The following GREB1L variants were observed in gnomAD, a reference collection of about 807,000 sequenced individuals.
GREB1L encodes GREB1-like protein.
In GREB1L, 17 loss-of-function variants were observed where a neutral mutation model predicts 200.8. The ratio of observed to expected loss-of-function variants is 0.08; its 90% CI spans 0.06 to 0.13. The LOEUF (loss-of-function observed/expected upper bound fraction) is 0.13. Among genes scored for constraint, GREB1L ranks in the 10% least tolerant of loss-of-function variants. The probability of loss-of-function intolerance (pLI) is 1.00; values close to 1 mark genes in which losing one functional copy is unlikely to be tolerated. For missense variants in GREB1L, 1,657 were observed against 2,367.7 expected (o/e 0.70, Z 6.23); for synonymous variants, 789 against 893.0 (o/e 0.88, Z 2.08).
intron 2 of GREB1L, among the ~76,000 whole-genome samples, chr18:21,373,774 G>A (rs2039969308): frequency 6.6e-6 from 1 of 152,230 alleles, no homozygotes; most frequent in Admixed American, 6.5e-5. Context: ...TACAGAAAGA[G>A]TAGAATAAAT....
intron 16 of GREB1L, among the ~76,000 whole-genome samples, chr18:21,473,568 C>CAAA: frequency 2.1e-5 from 1 of 46,654 alleles, no homozygotes; most frequent in Non-Finnish European, 4.2e-5. Flanking sequence ...GACTTTGTCT[C>CAAA]AAAAAAAAAA....
chr18:21,455,688 A>G (rs912008539), intron 15 of GREB1L, among the ~76,000 whole-genome samples: 4 of 151,774 alleles, frequency 2.6e-5, no homozygotes, highest in Admixed American at 6.6e-5. Context: ...AAAAAAAAAA[A>G]CAAAAAAACA....
At chr18:21,479,478 A>C (rs1245958667) in intron 17 of GREB1L, among the ~76,000 whole-genome samples, 41 of 152,074 alleles carry the variant, frequency 2.7e-4, no homozygotes, top group Admixed American at 2.7e-3. Context: ...CAGGAGTTCA[A>C]GACCAGCCTG....
Position 21,312,586 on chromosome 18 carries a change from G to A in GREB1L, c.-119-53441G>A, listed in dbSNP as rs182310703. On this transcript the variant is annotated intron_variant, in intron 1 of 32. Transcript: ENST00000424526. ...TATTTATTTTTTGAGACAAAGTCTC[G>A]CCCTGTCGCCAGGCTGGAGTGCAGT... Among the ~76,000 whole-genome samples, 6 of 150,284 alleles carry A rather than the reference G, an allele frequency of 4.0e-5. 1 individual carries two copies. In the South Asian group the frequency reaches 6.3e-4, roughly 16 times the overall value.
intron 17 of GREB1L, among the ~76,000 whole-genome samples, chr18:21,482,481 A>T (rs1329259446): frequency 6.6e-6 from 1 of 151,652 alleles, no homozygotes; most frequent in African/African-American, 2.4e-5. Flanking sequence ...TTGGTCTTGA[A>T]CTCCTGACCT....
intron 1 of GREB1L, among the ~76,000 whole-genome samples, chr18:21,274,388 A>G (rs143697478): frequency 2.2e-4 from 33 of 152,218 alleles, no homozygotes; most frequent in African/African-American, 7.5e-4. Flanking sequence ...ATATATATAT[A>G]TACACACACA....
chr18:21,445,466 C>A (rs1387779710), intron 11 of GREB1L, among the ~76,000 whole-genome samples: 1 of 151,444 alleles, frequency 6.6e-6, no homozygotes, highest in Non-Finnish European at 1.5e-5. Flanking sequence ...AAGAGTGAAA[C>A]TCCATCTCAA....
chr18:21,429,800 C>G (rs2032997358), intron 7 of GREB1L, among the ~76,000 whole-genome samples: 1 of 152,162 alleles, frequency 6.6e-6, no homozygotes, highest in African/African-American at 2.4e-5. Flanking sequence ...AATTTCAAAT[C>G]TAATTACCTA....
chr18:21,506,874 T>C (rs571130062), intron 25 of GREB1L, among the ~76,000 whole-genome samples: 54 of 152,358 alleles, frequency 3.5e-4, no homozygotes, highest in African/African-American at 1.3e-3. Context: ...CAACAAATGA[T>C]AGTAATATCC....
At chr18:21,299,618 G>C (rs974081755) in intron 1 of GREB1L, among the ~76,000 whole-genome samples, 1 of 151,228 alleles carries the variant, frequency 6.6e-6, no homozygotes, top group Non-Finnish European at 1.5e-5. Context: ...GTCATCAAGA[G>C]TGTCACTAGC....
Position 21,444,395 on chromosome 18 carries a change from A to G in GREB1L, c.1379A>G (p.Tyr460Cys). 2 of 1,552,022 alleles carry G rather than the reference A, an allele frequency of 1.3e-6. No homozygotes were observed. The highest frequency in any genetic ancestry group is 1.7e-6 in the Non-Finnish European group (2 of 1,146,922). The change falls in exon 11 of 33, where the codon TAT becomes TGT. Residue 460 changes from tyrosine to cysteine, a missense_variant. By Grantham distance (194) the Tyr-to-Cys change is radical. Around this residue, in one of 9 missense-constraint regions of GREB1L, gnomAD observed 289 missense variants for 345.1 expected, o/e 0.84. Transcript: ENST00000424526. ...AACATGATTCTTCTGACGATACAGT[A>G]TCTTGTGCGGCTGGGTAAGTCATTT... ...VENMILLTIQ[Y>C]LVRLGPDQVP...
chr18:21,430,490 T>C (rs2145073019), intron 7 of GREB1L, among the ~76,000 whole-genome samples: 1 of 151,190 alleles, frequency 6.6e-6, no homozygotes, highest in East Asian at 1.9e-4. Context: ...CTTTATTCCT[T>C]TCTTCTTCTT....
intron 1 of GREB1L, among the ~76,000 whole-genome samples, chr18:21,328,097 T>C (rs971339365): frequency 1.3e-5 from 2 of 152,164 alleles, no homozygotes; most frequent in Non-Finnish European, 2.9e-5. Context: ...TGCCTGTTTC[T>C]TTATGAAGAA....
intron 1 of GREB1L, among the ~76,000 whole-genome samples, chr18:21,246,378 A>T (rs2037602477): frequency 6.6e-6 from 1 of 152,234 alleles, no homozygotes; most frequent in Admixed American, 6.5e-5. Context: ...AAAGGACTAT[A>T]TAAATTTATA....
At position 21,434,527 on chromosome 18, in the gene GREB1L, G is replaced by GTGTATATA. The variant is rs1555646739; in HGVS notation, c.833-4991_833-4990insATATATGT. Among the ~76,000 whole-genome samples the GTGTATATA allele has an allele frequency of 2.7e-3, 372 of 138,662 alleles. 3 individuals carry two copies. The highest frequency in any genetic ancestry group is 0.01 in the African/African-American group (353 of 34,142). 91.0% of individuals were successfully genotyped at this position (138,662 alleles called of 152,430 possible). On this transcript the variant is annotated intron_variant, in intron 7 of 32. Transcript: ENST00000424526. ...TGTGTGTGTGTGTGTGTGTGTGTGT[G>GTGTATATA]TGTGTATATATATGTGTATATATAT...
intron 15 of GREB1L, among the ~76,000 whole-genome samples, chr18:21,456,633 T>TCCAA (rs2034777019): frequency 2.0e-5 from 3 of 152,216 alleles, no homozygotes; most frequent in Non-Finnish European, 1.5e-5. Context: ...AGTGTCTGGT[T>TCCAA]GACAGTGCAG....
chr18:21,432,048 G>A (rs1382570535), intron 7 of GREB1L, among the ~76,000 whole-genome samples: 3 of 149,502 alleles, frequency 2.0e-5, no homozygotes, highest in African/African-American at 4.9e-5. Context: ...TCAGCATCCC[G>A]AGTAGCTGGG....
intron 1 of GREB1L, among the ~76,000 whole-genome samples, chr18:21,275,817 A>G (rs1264617967): frequency 6.6e-6 from 1 of 152,228 alleles, no homozygotes; most frequent in African/African-American, 2.4e-5. Flanking sequence ...TTATTGAAAC[A>G]TGGCCATGCT....
At chr18:21,465,266 T>C (rs1478559742) in intron 15 of GREB1L, among the ~76,000 whole-genome samples, 1 of 152,148 alleles carries the variant, frequency 6.6e-6, no homozygotes, top group Non-Finnish European at 1.5e-5. Flanking sequence ...CCAAAACCCA[T>C]GCTTAATTCT....
Sources: gnomAD v4.1 joint callset for allele counts (sites outside exome capture counted in the v4.1 genomes callset) on GRCh38, gnomAD v4.1.1 for gene constraint, gnomAD v4.1.1 regional missense constraint, MANE v1.5 for transcripts, NCBI Gene and HGNC (gene_info 2026-07-23, HGNC 2026-07-21) for gene names.